The following TAB2 variants were observed in gnomAD, a reference collection of about 807,000 sequenced individuals.
TAB2 encodes the protein TGF-beta activated kinase 1 (MAP3K7) binding protein 2.
In TAB2, 3 loss-of-function variants were observed where a neutral mutation model predicts 65.0. The observed-to-expected ratio is 0.05, with a 90% CI of 0.02 to 0.12. The LOEUF (loss-of-function observed/expected upper bound fraction) is 0.12. Among genes scored for constraint, TAB2 ranks in the 10% least tolerant of loss-of-function variants. The probability of loss-of-function intolerance (pLI) is 1.00; values close to 1 mark genes in which losing one functional copy is unlikely to be tolerated. For missense variants in TAB2, 623 were observed against 840.3 expected (o/e 0.74, Z 3.20); for synonymous variants, 298 against 285.1 (o/e 1.05, Z -0.46).
At chr6:149,377,944 T>C (rs1190643975) in intron 2 of TAB2, 74 bp from the exon 3 acceptor site, 11 of 1,124,532 alleles carry the variant, frequency 9.8e-6, no homozygotes, top group African/African-American at 1.5e-5. Context: ...TTGGTAATCA[T>C]GTATTTGTAG....
At chr6:149,349,574 T>A (rs990492982) in intron 1 of TAB2, among the ~76,000 whole-genome samples, 5 of 152,146 alleles carry the variant, frequency 3.3e-5, no homozygotes, top group African/African-American at 1.2e-4. Flanking sequence ...ATATGCTGCT[T>A]GTTTTAGCTC....
rs187188830 is a variant in TAB2 at position 149,367,017 on chromosome 6, A to G, written c.-89-2892A>G. Among the ~76,000 whole-genome samples the G allele has an allele frequency of 3.9e-5, 6 of 152,126 alleles. No individual in the cohort carries two copies. In the East Asian group the frequency reaches 5.8e-4, roughly 15 times the overall value. ...TTTGGAAGCCTTATAGAAGGAAACTATAAAGAAACCTTATAATAAAATATT... is the reference window on the plus strand; with the variant it reads ...TTTGGAAGCCTTATAGAAGGAAACTGTAAAGAAACCTTATAATAAAATATT... On this transcript the variant is annotated intron_variant, in intron 1 of 6. Transcript: ENST00000637181.
intron 1 of TAB2, among the ~76,000 whole-genome samples, chr6:149,345,849 G>A (rs1562425695): frequency 6.6e-6 from 1 of 151,658 alleles, no homozygotes; most frequent in Non-Finnish European, 1.5e-5. Context: ...CAGTCAATAA[G>A]GTCTTATAGG....
chr6:149,337,539 A>G (rs1779971297), intron 1 of TAB2, among the ~76,000 whole-genome samples: 4 of 152,222 alleles, frequency 2.6e-5, no homozygotes, highest in Admixed American at 2.0e-4. Context: ...GTTACAGAAT[A>G]GATGTGTTAA....
rs192917542 is a variant in TAB2, at chr6:149,310,434, C to T, written c.-120-67584C>T. On this transcript the variant is annotated intron_variant, in intron 1 of 1. Coordinates refer to the TAB2 transcript ENST00000606202. ...AGTATATGTTATTTCTGTTTATCTC[C>T]AGCTTTCTTTGTCTTTCAATAGACT... Among the ~76,000 whole-genome samples, 246 of 152,148 alleles carry T rather than the reference C, an allele frequency of 1.6e-3. 1 individual carries two copies. Among genetic ancestry groups the T allele is most frequent in the African/African-American group, 5.6e-3 (232 of 41,514 alleles).
intron 1 of TAB2, among the ~76,000 whole-genome samples, chr6:149,258,247 G>A (rs1475716931): frequency 6.6e-6 from 1 of 152,056 alleles, no homozygotes; most frequent in African/African-American, 2.4e-5. Context: ...GCTCTCCAGG[G>A]GAAAATAAAA....
At chr6:149,275,867 C>T (rs528859294) in intron 1 of TAB2, among the ~76,000 whole-genome samples, 10 of 152,148 alleles carry the variant, frequency 6.6e-5, no homozygotes, top group Non-Finnish European at 8.8e-5. Context: ...ATAACCTGAT[C>T]GGTACTCCTC....
At chr6:149,293,484 T>C (rs369977366) in intron 1 of TAB2, among the ~76,000 whole-genome samples, 7 of 152,358 alleles carry the variant, frequency 4.6e-5, no homozygotes, top group Admixed American at 2.0e-4. Context: ...AAAATAGAAC[T>C]GGTCTGAGAT....
intron 1 of TAB2, among the ~76,000 whole-genome samples, chr6:149,362,292 C>CATG (rs1180977723): frequency 6.6e-6 from 1 of 152,208 alleles, no homozygotes; most frequent in Non-Finnish European, 1.5e-5. Flanking sequence ...GTACAGGAAG[C>CATG]ATGGTGCTGG....
At chr6:149,336,196 G>C (rs1020603659) in intron 1 of TAB2, among the ~76,000 whole-genome samples, 6 of 152,140 alleles carry the variant, frequency 3.9e-5, no homozygotes, top group African/African-American at 1.4e-4. Context: ...TCATTGTCTT[G>C]TGCTGACTTT....
At chr6:149,248,939 C>G (rs1174757014) in intron 1 of TAB2, among the ~76,000 whole-genome samples, 1 of 152,154 alleles carries the variant, frequency 6.6e-6, no homozygotes, top group Non-Finnish European at 1.5e-5. Flanking sequence ...TCCACCCTCT[C>G]CCACGCCTCA....
rs139594336 is a variant in TAB2, at chr6:149,303,213, C to T, written c.-120-74805C>T. On this transcript the variant is annotated intron_variant, in intron 1 of 1. Transcript: ENST00000606202. ...AATTATTTCATTATATATTACAATG[C>T]AATAATAATAGAAATAAATGTAATG... Among the ~76,000 whole-genome samples, 21 of 152,302 alleles carry T rather than the reference C, an allele frequency of 1.4e-4. No homozygotes were observed. In the East Asian group the frequency reaches 3.7e-3, roughly 27 times the overall value.
chr6:149,400,911 G>T, intron 6 of TAB2: 1 of 511,652 alleles, frequency 2.0e-6, no homozygotes, highest in Non-Finnish European at 3.5e-6. Flanking sequence ...GGTATGTTTT[G>T]ATTGACATCA....
At chr6:149,393,712 T>C (rs375975706) in intron 3 of TAB2, among the ~76,000 whole-genome samples, 8 of 152,236 alleles carry the variant, frequency 5.3e-5, no homozygotes, top group African/African-American at 1.4e-4. Flanking sequence ...ATGTATACTT[T>C]ATGATGTATT....
chr6:149,218,223 C>A (rs1217686895), upstream of TAB2: 2 of 152,222 alleles, frequency 1.3e-5, no homozygotes, highest in Non-Finnish European at 2.9e-5. Context: ...TTGTTTGACA[C>A]TACCTAAAAA....
chr6:149,276,541 AT>A (rs35062500), intron 1 of TAB2, among the ~76,000 whole-genome samples: 3,617 of 152,302 alleles, frequency 0.024, 150 homozygotes, highest in African/African-American at 0.082. Context: ...CAATAAATCA[AT>A]TATATATTTT....
At chr6:149,403,234 TA>T (rs745966790) in intron 6 of TAB2, among the ~76,000 whole-genome samples, 2,788 of 65,918 alleles carry the variant, frequency 0.042, 136 homozygotes, top group South Asian at 0.16. Flanking sequence ...AACTCTTGTC[TA>T]AAAAAAAAAA....
intron 1 of TAB2, among the ~76,000 whole-genome samples, chr6:149,231,950 C>T (rs992390270): frequency 2.0e-5 from 3 of 152,118 alleles, no homozygotes; most frequent in Non-Finnish European, 4.4e-5. Context: ...CCCAGAGCAA[C>T]GGGTTACTGG....
At chr6:149,398,153 C>G in intron 5 of TAB2, 91 bp downstream of exon 5, 1 of 1,068,518 alleles carries the variant, frequency 9.4e-7, no homozygotes, top group Non-Finnish European at 1.4e-6. Flanking sequence ...CAATCATAAT[C>G]TTACTGTCTC....
Sources: gnomAD v4.1 joint callset for allele counts (sites outside exome capture counted in the v4.1 genomes callset) on GRCh38, gnomAD v4.1.1 for gene constraint, MANE v1.5 for transcripts, NCBI Gene and HGNC (gene_info 2026-07-23, HGNC 2026-07-21) for gene names.